NREP: variants seen among roughly 807,000 people sequenced by gnomAD.
NREP encodes neuronal regeneration related protein, also known as neuronal regeneration-related protein.
Under a neutral mutation model 8.6 loss-of-function variants are expected in NREP, and 5 were observed. The observed-to-expected ratio is 0.58, with a 90% CI of 0.30 to 1.22. The LOEUF (loss-of-function observed/expected upper bound fraction) is 1.22. Ranked by LOEUF, NREP falls within the 50% of genes most tolerant of loss-of-function variation. The pLI is 0.07. For missense variants in NREP, 86 were observed against 82.5 expected, an observed-to-expected ratio of 1.04 and a Z score of -0.17; for synonymous variants, 27 against 28.0, an observed-to-expected ratio of 0.96 and a Z score of 0.11.
At chr5:111,781,782 C>G (rs913344238) in intron 2 of NREP, among the ~76,000 whole-genome samples, 10 of 152,106 alleles carry the variant, frequency 6.6e-5, no homozygotes, top group Non-Finnish European at 1.5e-4. Context: ...CTTTGTACTT[C>G]AAGGGTTCTT....
At chr5:111,867,687 G>C (rs1753699388) in intron 2 of NREP, among the ~76,000 whole-genome samples, 1 of 152,084 alleles carries the variant, frequency 6.6e-6, no homozygotes, top group South Asian at 2.1e-4. Context: ...TCACATAGGA[G>C]TTTGAGAAAC....
At chr5:111,771,919 C>CA (rs1485379200) in intron 2 of NREP, among the ~76,000 whole-genome samples, 14 of 151,948 alleles carry the variant, frequency 9.2e-5, no homozygotes, top group Admixed American at 9.2e-4. Flanking sequence ...AGAACTGAAG[C>CA]AAAAAAACTG....
At chr5:111,816,689 G>A (rs1181831307) in intron 2 of NREP, among the ~76,000 whole-genome samples, 3 of 147,420 alleles carry the variant, frequency 2.0e-5, no homozygotes, top group Non-Finnish European at 4.5e-5. Context: ...ATGATAAAAT[G>A]ATAAAAATAA....
chr5:111,873,845 G>A (rs1443515481), intron 2 of NREP, among the ~76,000 whole-genome samples: 1 of 152,190 alleles, frequency 6.6e-6, no homozygotes, highest in Non-Finnish European at 1.5e-5. Flanking sequence ...TACAAGGGCT[G>A]TGGGAGAGAC....
At chr5:111,873,475 C>A (rs763228227) in intron 2 of NREP, among the ~76,000 whole-genome samples, 61 of 152,270 alleles carry the variant, frequency 4.0e-4, no homozygotes, top group Non-Finnish European at 8.1e-4. Flanking sequence ...TGGTTCATTT[C>A]ATTTGTAGGG....
chr5:111,889,343 G>A (rs1754339018), intron 2 of NREP, among the ~76,000 whole-genome samples: 1 of 152,112 alleles, frequency 6.6e-6, no homozygotes, highest in Admixed American at 6.5e-5. Context: ...CTATACCAAA[G>A]ACATTACCAA....
chr5:111,781,726 G>T (rs1751499035), intron 2 of NREP, among the ~76,000 whole-genome samples: 1 of 152,116 alleles, frequency 6.6e-6, no homozygotes, highest in South Asian at 2.1e-4. Context: ...TTAAAGACTT[G>T]GGTCATATCT....
chr5:111,813,055 C>G (rs1360348144), intron 2 of NREP, among the ~76,000 whole-genome samples: 1 of 152,166 alleles, frequency 6.6e-6, no homozygotes, highest in Non-Finnish European at 1.5e-5. Context: ...AGGTACCCTA[C>G]TCTTTAAGTG....
At chr5:111,820,335 G>T (rs1262699378) in intron 2 of NREP, among the ~76,000 whole-genome samples, 1 of 152,204 alleles carries the variant, frequency 6.6e-6, no homozygotes, top group African/African-American at 2.4e-5. Context: ...TCACTGCTCT[G>T]TGCACGTTTG....
upstream of NREP, among the ~76,000 whole-genome samples, chr5:111,762,398 G>T (rs560995445): frequency 1.2e-4 from 19 of 152,100 alleles, no homozygotes; most frequent in African/African-American, 4.3e-4. Context: ...CTTATCACCA[G>T]CTCCCTTTTC....
chr5:111,947,651 T>C (rs1181788589), intron 2 of NREP, among the ~76,000 whole-genome samples: 1 of 152,038 alleles, frequency 6.6e-6, no homozygotes, highest in Non-Finnish European at 1.5e-5. Context: ...CCACGTGGTA[T>C]CTATAGAGGT....
intron 2 of NREP, among the ~76,000 whole-genome samples, chr5:111,871,053 C>CGTGTGTGTGT (rs34667486): frequency 0.073 from 10,395 of 142,592 alleles, 694 homozygotes; most frequent in African/African-American, 0.15. Flanking sequence ...GAACCAATGG[C>CGTGTGTGTGT]GTGTGTGTGT....
At chr5:111,817,475 T>G (rs758468272) in intron 2 of NREP, among the ~76,000 whole-genome samples, 6 of 152,294 alleles carry the variant, frequency 3.9e-5, no homozygotes, top group Non-Finnish European at 8.8e-5. Flanking sequence ...ATTTTCTAGA[T>G]TTTTTAGATA....
chr5:111,902,642 G>T (rs115490367), intron 2 of NREP, among the ~76,000 whole-genome samples: 4 of 152,220 alleles, frequency 2.6e-5, no homozygotes, highest in Admixed American at 6.5e-5. Context: ...CTTTCTGGAG[G>T]AGCAGTGAAC....
chr5:111,963,058 C>T (rs1178700053), intron 2 of NREP, among the ~76,000 whole-genome samples: 1 of 152,260 alleles, frequency 6.6e-6, no homozygotes, highest in East Asian at 1.9e-4. Flanking sequence ...TGGTGGAGGG[C>T]AGCCGCCCTG....
intron 2 of NREP, among the ~76,000 whole-genome samples, chr5:111,751,269 G>C (rs1219003477): frequency 1.3e-5 from 2 of 152,078 alleles, no homozygotes; most frequent in Non-Finnish European, 2.9e-5. Flanking sequence ...TAATACCATG[G>C]TATTACTACT....
chr5:111,811,332 A>G (rs1752264591), intron 2 of NREP, among the ~76,000 whole-genome samples: 1 of 152,174 alleles, frequency 6.6e-6, no homozygotes, highest in African/African-American at 2.4e-5. Flanking sequence ...TATCAGACAT[A>G]TACTCTTCAA....
intron 2 of NREP, among the ~76,000 whole-genome samples, chr5:111,804,284 T>C (rs1040534101): frequency 2.6e-5 from 4 of 152,174 alleles, no homozygotes; most frequent in African/African-American, 7.2e-5. Flanking sequence ...GAGGAATAGA[T>C]AGACTTTTAA....
intron 2 of NREP, among the ~76,000 whole-genome samples, chr5:111,869,870 G>C (rs1283007016): frequency 6.6e-6 from 1 of 152,188 alleles, no homozygotes; most frequent in Non-Finnish European, 1.5e-5. Context: ...TGACTCGTAT[G>C]AATGAATTTC....
Sources: allele counts gnomAD v4.1 joint callset (sites outside exome capture counted in the v4.1 genomes callset), GRCh38; gene constraint gnomAD v4.1.1; transcripts MANE v1.5; gene names NCBI Gene and HGNC (gene_info 2026-07-23, HGNC 2026-07-21).